The following GRM7 variants were observed in gnomAD, a reference collection of about 807,000 sequenced individuals.
GRM7 encodes the protein metabotropic glutamate receptor 7.
Under a neutral mutation model 84.5 loss-of-function variants are expected in GRM7, and 35 were observed. That is an observed-to-expected ratio of 0.41 (90% CI 0.32 to 0.55). The LOEUF is 0.55. Among genes scored for constraint, GRM7 ranks in the 20% least tolerant of loss-of-function variants. GRM7 has a pLI of 0.19. For missense variants in GRM7, 1,003 were observed against 1,194.6 expected (o/e 0.84, Z 2.36); for synonymous variants, 487 against 455.1 (o/e 1.07, Z -0.89).
intron 1 of GRM7, among the ~76,000 whole-genome samples, chr3:7,146,213 T>G (rs1461247209): frequency 6.6e-6 from 1 of 152,184 alleles, no homozygotes; most frequent in East Asian, 1.9e-4. Context: ...CATGCTAACC[T>G]CCTTCCCTTA....
At chr3:7,043,284 C>T (rs998022877) in intron 1 of GRM7, among the ~76,000 whole-genome samples, 28 of 152,298 alleles carry the variant, frequency 1.8e-4, no homozygotes, top group African/African-American at 6.5e-4. Flanking sequence ...TCTTGGACTT[C>T]TCTTTGTGTA....
intron 2 of GRM7, among the ~76,000 whole-genome samples, chr3:7,206,035 T>C (rs1465485935): frequency 6.6e-6 from 1 of 152,212 alleles, no homozygotes; most frequent in Non-Finnish European, 1.5e-5. Context: ...TACACTAAAG[T>C]CTGATATTCA....
intron 8 of GRM7, among the ~76,000 whole-genome samples, chr3:7,581,032 G>A (rs1291686365): frequency 1.3e-5 from 2 of 152,104 alleles, no homozygotes; most frequent in Non-Finnish European, 2.9e-5. Context: ...ACAGGTTGAA[G>A]ACATTAAAAC....
intron 1 of GRM7, among the ~76,000 whole-genome samples, chr3:6,945,650 A>G (rs947147738): frequency 6.6e-6 from 1 of 152,124 alleles, no homozygotes; most frequent in East Asian, 1.9e-4. Flanking sequence ...CGACTTCCAC[A>G]ATGGTTGAAC....
chr3:7,561,636 T>C (rs1187436121), intron 7 of GRM7: 2 of 451,776 alleles, frequency 4.4e-6, no homozygotes, highest in African/African-American at 4.0e-5. Flanking sequence ...TCCAGCAGTC[T>C]TGGAAGATAA....
chr3:7,294,615 C>T (rs1373643643), intron 2 of GRM7, among the ~76,000 whole-genome samples: 1 of 151,650 alleles, frequency 6.6e-6, no homozygotes, highest in Admixed American at 6.6e-5. Context: ...ACAAATTCTA[C>T]TTCTACCTGA....
chr3:7,386,640 G>A (rs188445283), intron 4 of GRM7, among the ~76,000 whole-genome samples: 1 of 152,162 alleles, frequency 6.6e-6, no homozygotes, highest in Non-Finnish European at 1.5e-5. Flanking sequence ...ATTCCATGGT[G>A]TATATGTACC....
intron 9 of GRM7, chr3:7,686,309 G>A: frequency 1.3e-6 from 1 of 788,072 alleles, no homozygotes; most frequent in Non-Finnish European, 2.2e-6. Flanking sequence ...AAGTAATATT[G>A]TGTGCACATT....
At chr3:6,984,531 G>A (rs1350846145) in intron 1 of GRM7, among the ~76,000 whole-genome samples, 1 of 152,068 alleles carries the variant, frequency 6.6e-6, no homozygotes, top group African/African-American at 2.4e-5. Context: ...ACAGCAAAAG[G>A]TGATATACAT....
chr3:7,130,658 G>A (rs1424361895), intron 1 of GRM7, among the ~76,000 whole-genome samples: 1 of 151,888 alleles, frequency 6.6e-6, no homozygotes. Context: ...AGTGGTGTTG[G>A]CACTGATGAC....
At chr3:7,516,565 A>G (rs1700400160) in intron 7 of GRM7, among the ~76,000 whole-genome samples, 1 of 151,584 alleles carries the variant, frequency 6.6e-6, no homozygotes, top group Admixed American at 6.6e-5. Context: ...CTTCCATTCA[A>G]ACTGGTATAA....
chr3:7,076,342 G>A (rs371006838), intron 1 of GRM7, among the ~76,000 whole-genome samples: 1 of 152,128 alleles, frequency 6.6e-6, no homozygotes, highest in African/African-American at 2.4e-5. Flanking sequence ...CCCACATGTT[G>A]AGGGAAGGGC....
In GRM7 at chr3:7,151,592, A is replaced by G. The variant is rs1378762253; in HGVS notation, c.736+4924A>G. ...CTTTAAGCTCCATAAGGGCAAGGACATTTTCCTGTGTTTCTATTATCTAAG... is the reference window on the plus strand; with the variant it reads ...CTTTAAGCTCCATAAGGGCAAGGACGTTTTCCTGTGTTTCTATTATCTAAG... On this transcript the variant is annotated intron_variant, in intron 2 of 9. Transcript: ENST00000357716. The surrounding 1 kb of genome is among the most constrained non-coding windows in gnomAD (Gnocchi z 4.5). Among the ~76,000 whole-genome samples, 1 of 152,174 alleles carries G rather than the reference A, an allele frequency of 6.6e-6. No individual in the cohort carries two copies. Among genetic ancestry groups the G allele is most frequent in the African/African-American group, 2.4e-5 (1 of 41,442 alleles).
chr3:6,974,247 GTAGCA>G (rs1046233619), intron 1 of GRM7, among the ~76,000 whole-genome samples: 2 of 152,112 alleles, frequency 1.3e-5, no homozygotes, highest in Non-Finnish European at 2.9e-5. Context: ...GCCAGTGGGG[GTAGCA>G]ACTGGGGAAA....
At chr3:7,390,545 C>CT (rs1694950470) in intron 4 of GRM7, among the ~76,000 whole-genome samples, 1 of 151,882 alleles carries the variant, frequency 6.6e-6, no homozygotes, top group African/African-American at 2.4e-5. Flanking sequence ...TTTTAAAATT[C>CT]TTTTTTATTT....
intron 1 of GRM7, among the ~76,000 whole-genome samples, chr3:7,135,727 AAATAT>A (rs1453509367): frequency 2.0e-5 from 3 of 152,278 alleles, no homozygotes; most frequent in East Asian, 1.9e-4. Flanking sequence ...ATAGAGAAAA[AAATAT>A]AATATACAGA....
At chr3:7,107,021 T>C (rs1015944817) in intron 1 of GRM7, among the ~76,000 whole-genome samples, 1 of 152,004 alleles carries the variant, frequency 6.6e-6, no homozygotes, top group African/African-American at 2.4e-5. Context: ...AGAAAAAAGA[T>C]ACCTTTTTAA....
chr3:7,637,491 T>C (rs1315321335), intron 8 of GRM7, among the ~76,000 whole-genome samples: 2 of 152,164 alleles, frequency 1.3e-5, no homozygotes, highest in Admixed American at 1.3e-4. Context: ...TATTAAAAAA[T>C]CCATCAGACA....
chr3:7,624,575 T>C (rs1234274385), intron 8 of GRM7, among the ~76,000 whole-genome samples: 1 of 152,160 alleles, frequency 6.6e-6, no homozygotes, highest in Non-Finnish European at 1.5e-5. Flanking sequence ...TAATGGCACA[T>C]GCTAGAACAG....
Sources: gnomAD v4.1 joint callset for allele counts (sites outside exome capture counted in the v4.1 genomes callset) on GRCh38, gnomAD v4.1.1 for gene constraint, Gnocchi (gnomAD v3.1) non-coding constraint, MANE v1.5 for transcripts, NCBI Gene and HGNC (gene_info 2026-07-23, HGNC 2026-07-21) for gene names.